The following SMYD3 variants were observed in gnomAD, a reference collection of about 807,000 sequenced individuals.
SMYD3 encodes the protein histone-lysine N-methyltransferase SMYD3.
SMYD3 carries 36 observed loss-of-function variants against 57.7 expected under a neutral mutation model. The observed-to-expected ratio is 0.62, with a 90% CI of 0.48 to 0.82. The LOEUF (loss-of-function observed/expected upper bound fraction) is 0.82, where lower values mean the gene tolerates loss of function less well. SMYD3 is among the 40% of genes least tolerant of loss of function. The pLI, the probability that SMYD3 is intolerant of heterozygous loss-of-function variation, is 0.00. For missense variants in SMYD3, 515 were observed against 538.8 expected (o/e 0.96, Z 0.44); for synonymous variants, 211 against 195.0 (o/e 1.08, Z -0.68).
intron 1 of SMYD3, among the ~76,000 whole-genome samples, chr1:246,376,488 G>T (rs2066279364): frequency 6.6e-6 from 1 of 151,130 alleles, no homozygotes; most frequent in Admixed American, 6.6e-5. Flanking sequence ...CTACTTGGGA[G>T]GCTGAGGCAG....
chr1:246,182,018 C>A (rs1050333499), intron 5 of SMYD3, among the ~76,000 whole-genome samples: 1 of 152,146 alleles, frequency 6.6e-6, no homozygotes, highest in Non-Finnish European at 1.5e-5. Flanking sequence ...AAAGAAAGAG[C>A]ACTATTTTAA....
At chr1:245,895,108 G>GT (rs1273133583) in intron 8 of SMYD3, among the ~76,000 whole-genome samples, 1 of 152,140 alleles carries the variant, frequency 6.6e-6, no homozygotes, top group Non-Finnish European at 1.5e-5. Flanking sequence ...GCCTCTCCCC[G>GT]TATGTCATAG....
chr1:246,409,215 C>T (rs2102981944), intron 1 of SMYD3, among the ~76,000 whole-genome samples: 1 of 152,250 alleles, frequency 6.6e-6, no homozygotes, highest in East Asian at 1.9e-4. Context: ...CTTTTGTTGC[C>T]ATTGTTTTTG....
chr1:246,395,809 C>CAGTCAGACAGGGAAGAGGAACCCACCAT (rs2066659940), intron 1 of SMYD3, among the ~76,000 whole-genome samples: 3 of 140,664 alleles, frequency 2.1e-5, no homozygotes, highest in Admixed American at 6.8e-5. Flanking sequence ...GAACCCACCA[C>CAGTCAGACAGGGAAGAGGAACCCACCAT]GGCTGGACAG....
intron 1 of SMYD3, among the ~76,000 whole-genome samples, chr1:246,421,082 C>A (rs1355884600): frequency 6.6e-6 from 1 of 152,190 alleles, no homozygotes; most frequent in Non-Finnish European, 1.5e-5. Context: ...AGGGTCAACA[C>A]TGTTTGCATC....
intron 5 of SMYD3, among the ~76,000 whole-genome samples, chr1:246,324,099 A>G (rs1488011428): frequency 6.6e-6 from 1 of 152,194 alleles, no homozygotes; most frequent in Non-Finnish European, 1.5e-5. Flanking sequence ...AGAATTCCAT[A>G]TGCCTTTCAA....
At chr1:245,896,997 A>T (rs2053859116) in intron 8 of SMYD3, among the ~76,000 whole-genome samples, 1 of 152,222 alleles carries the variant, frequency 6.6e-6, no homozygotes, top group African/African-American at 2.4e-5. Context: ...AACTGAAAAC[A>T]ATCAGAACAT....
intron 2 of SMYD3, 80 bp downstream of exon 2, chr1:246,354,951 A>T: frequency 6.3e-6 from 8 of 1,272,596 alleles, no homozygotes; most frequent in Non-Finnish European, 9.1e-6. Flanking sequence ...AAGTAGACAC[A>T]GGCCAACAGG....
At chr1:245,806,828 T>A (rs1001456221) in intron 10 of SMYD3, among the ~76,000 whole-genome samples, 1 of 138,896 alleles carries the variant, frequency 7.2e-6, no homozygotes, top group Middle Eastern at 4.1e-3. Context: ...GAGAATGGCG[T>A]GAACCCGGGA....
At chr1:246,059,687 G>A (rs975881827) in intron 5 of SMYD3, among the ~76,000 whole-genome samples, 1 of 152,092 alleles carries the variant, frequency 6.6e-6, no homozygotes, top group Non-Finnish European at 1.5e-5. Flanking sequence ...AGAAGCTTCA[G>A]GAAAAAGGCA....
At chr1:246,207,885 A>G (rs2063025561) in intron 5 of SMYD3, among the ~76,000 whole-genome samples, 1 of 125,184 alleles carries the variant, frequency 8.0e-6, no homozygotes, top group East Asian at 5.4e-4. Context: ...AGAGACAGGG[A>G]CTGGACAATA....
chr1:246,109,554 T>A (rs916188513), intron 5 of SMYD3, among the ~76,000 whole-genome samples: 18 of 152,230 alleles, frequency 1.2e-4, no homozygotes, highest in Non-Finnish European at 2.1e-4. Flanking sequence ...AGCTGTAATT[T>A]CTGCATGGAT....
intron 5 of SMYD3, among the ~76,000 whole-genome samples, chr1:246,016,227 C>G (rs1211893084): frequency 6.8e-6 from 1 of 147,480 alleles, no homozygotes; most frequent in Admixed American, 6.7e-5. Context: ...CACAGTGAAA[C>G]CCCATCACTT....
chr1:246,405,195 G>A (rs988741378), intron 1 of SMYD3, among the ~76,000 whole-genome samples: 2 of 152,020 alleles, frequency 1.3e-5, no homozygotes, highest in African/African-American at 4.8e-5. Flanking sequence ...CAAGTGATCT[G>A]CTCATTTCAG....
intron 5 of SMYD3, among the ~76,000 whole-genome samples, chr1:246,089,848 C>T (rs1218727249): frequency 6.6e-6 from 1 of 151,186 alleles, no homozygotes; most frequent in Non-Finnish European, 1.5e-5. Flanking sequence ...TTTCATGATG[C>T]TGCATTTAAA....
chr1:246,506,999 CCCCAGCA>C, intron 1 of SMYD3, 48 bp downstream of exon 1: 3 of 972,782 alleles, frequency 3.1e-6, no homozygotes, highest in Non-Finnish European at 4.0e-6. Context: ...GCCCCCCCCT[CCCCAGCA>C]CCCCACACAG....
chr1:246,146,947 C>A (rs1174413711), intron 5 of SMYD3, among the ~76,000 whole-genome samples: 2 of 152,178 alleles, frequency 1.3e-5, no homozygotes, highest in East Asian at 3.8e-4. Flanking sequence ...TTGTGTGTGG[C>A]TTTTGGAGTT....
Position 246,225,321 on chromosome 1 carries a change from C to CAAAAAAAAAAAAAAAAAAA in SMYD3, c.531+101861_531+101879dup, listed in dbSNP as rs60915002. Among the ~76,000 whole-genome samples the CAAAAAAAAAAAAAAAAAAA allele has an allele frequency of 4.3e-4, 33 of 76,284 alleles. 5 individuals are homozygous for CAAAAAAAAAAAAAAAAAAA. Among genetic ancestry groups the CAAAAAAAAAAAAAAAAAAA allele is most frequent in the African/African-American group, 5.7e-4 (12 of 21,194 alleles). 50.0% of individuals were successfully genotyped at this position (76,284 alleles called of 152,430 possible). On this transcript the variant is annotated intron_variant, in intron 5 of 11. Coordinates refer to ENST00000490107, the MANE Select transcript of SMYD3 (RefSeq NM_001167740.2). ...GTTATGTGGAAGACTGCTGAAAAGT[C>CAAAAAAAAAAAAAAAAAAA]AAAAAAAAAAAAAAAAAAAAAAAAA...
chr1:246,036,539 C>CTTTT lies in SMYD3; in HGVS notation c.532-106606_532-106603dup, dbSNP rs59062672. ...ATTTTCTCTGTACTCTTCTTTCTCT[C>CTTTT]TTTTTTTTTTTTTTGTTTTGTTTTG... is the stretch of plus-strand genomic sequence containing the variant. On this transcript the variant is annotated intron_variant, in intron 5 of 11. Coordinates refer to ENST00000490107, the MANE Select transcript of SMYD3 (RefSeq NM_001167740.2). Among the ~76,000 whole-genome samples the CTTTT allele has an allele frequency of 1.1e-3, 163 of 145,006 alleles. 1 individual carries two copies. Among genetic ancestry groups the CTTTT allele is most frequent in the Non-Finnish European group, 2.0e-3 (133 of 65,792 alleles).
Sources: gnomAD v4.1 joint callset for allele counts (sites outside exome capture counted in the v4.1 genomes callset) on GRCh38, gnomAD v4.1.1 for gene constraint, MANE v1.5 for transcripts, NCBI Gene and HGNC (gene_info 2026-07-23, HGNC 2026-07-21) for gene names.